Variants in RIMBP2 observed in about 807,000 individuals in gnomAD.
RIMBP2 encodes RIMS-binding protein 2.
In RIMBP2, 48 loss-of-function variants were observed where a neutral mutation model predicts 118.6. That is an observed-to-expected ratio of 0.40 (90% CI 0.32 to 0.51). RIMBP2 has a LOEUF of 0.51. Ranked by LOEUF, RIMBP2 falls within the 20% of genes least tolerant of loss-of-function variation. The pLI is 0.41. For missense variants in RIMBP2, 1,551 were observed against 1,768.3 expected (o/e 0.88, Z 2.20); for synonymous variants, 762 against 742.9 (o/e 1.03, Z -0.42).
chr12:130,434,896 G>T lies in RIMBP2; in HGVS notation c.2107-16C>A. On this transcript the variant is annotated splice_polypyrimidine_tract_variant and intron_variant, in intron 13 of 22. Transcript: ENST00000690449. This position sits in a 1 kb window ranked among gnomAD's most constrained non-coding sequence, Gnocchi z 5.7. The stretch of plus-strand genomic sequence containing the variant: ...TTTTCTCTAACTTGGAAAGAAAAAG[G>T]AGGCACACGGGTGAGGCAGGGCCAC... 1.3e-6 allele frequency: 2 copies of T among 1,597,074 alleles called. No individual in the cohort carries two copies. Among genetic ancestry groups the T allele is most frequent in the Non-Finnish European group, 1.7e-6 (2 of 1,171,334 alleles).
At chr12:130,561,084 C>G (rs1419147978) in intron 2 of RIMBP2, among the ~76,000 whole-genome samples, 13 of 152,204 alleles carry the variant, frequency 8.5e-5, no homozygotes, top group African/African-American at 3.1e-4. Flanking sequence ...GGTGATGCTT[C>G]TGCACGCCAA....
chr12:130,617,706 A>G lies in RIMBP2; in HGVS notation c.-217+10616T>C, dbSNP rs796252099. Among the ~76,000 whole-genome samples, 1 of 152,350 alleles carries G rather than the reference A, an allele frequency of 6.6e-6. No individual in the cohort carries two copies. The highest frequency in any genetic ancestry group is 2.4e-5 in the African/African-American group (1 of 41,582). On this transcript the variant is annotated intron_variant, in intron 2 of 22. Coordinates refer to ENST00000690449, the MANE Select transcript of RIMBP2 (RefSeq NM_001393629.1). This position sits in a 1 kb window ranked among gnomAD's most constrained non-coding sequence, Gnocchi z 4.6. ...TGACGCTAAGCAGCCCAGCACCTTC[A>G]GTCCTCGAAGGTCCGCAGATGCACC...
intron 1 of RIMBP2, among the ~76,000 whole-genome samples, chr12:130,713,137 C>CAG (rs10650704): frequency 0.98 from 140,939 of 144,526 alleles, 68,837 homozygotes; most frequent in Middle Eastern, 1. Context: ...AAGAAGGGGA[C>CAG]AGAGACTGAA....
chr12:130,558,274 T>G (rs190345005), intron 2 of RIMBP2, among the ~76,000 whole-genome samples: 19 of 152,138 alleles, frequency 1.2e-4, no homozygotes, highest in African/African-American at 4.3e-4. Context: ...AATAACACCC[T>G]AACAATTAGA....
rs117203195 is a variant in RIMBP2, at chr12:130,451,389, G to A, written c.359-49C>T. On this transcript the variant is annotated intron_variant, in intron 7 of 22. Transcript: ENST00000690449. Reference sequence around the variant, plus strand: ...TTGAAACAAATATGCGAATAACATCGTCAAAGCACGTTGGTCATGCGCCTA... The same window carrying A: ...TTGAAACAAATATGCGAATAACATCATCAAAGCACGTTGGTCATGCGCCTA... The A allele has an allele frequency of 1.2e-4, 184 of 1,558,976 alleles. No individual in the cohort carries two copies. In the East Asian group the frequency reaches 3.9e-3, roughly 33 times the overall value.
At position 130,641,008 on chromosome 12, in the gene RIMBP2, C is replaced by T. The variant is rs533025030; in HGVS notation, c.-351-12552G>A. 3.9e-5 allele frequency among the ~76,000 whole-genome samples: 6 copies of T among 152,324 alleles called. No individual in the cohort carries two copies. The East Asian group carries it at 9.7e-4, about 25-fold the overall frequency. ...TGGCCCTATTAAAGCTAACTAATGTCGGCGTCACAGCCGTCCTGGCACTCA... is the reference window on the plus strand; with the variant it reads ...TGGCCCTATTAAAGCTAACTAATGTTGGCGTCACAGCCGTCCTGGCACTCA... On this transcript the variant is annotated intron_variant, in intron 1 of 22. Coordinates refer to ENST00000690449, the MANE Select transcript of RIMBP2 (RefSeq NM_001393629.1).
At chr12:130,599,487 G>A (rs919400279) in intron 2 of RIMBP2, among the ~76,000 whole-genome samples, 5 of 152,142 alleles carry the variant, frequency 3.3e-5, no homozygotes, top group Non-Finnish European at 7.3e-5. Flanking sequence ...AAGACATATG[G>A]CAAATAAGCA....
chr12:130,436,316 CG>C (rs1297026924), intron 13 of RIMBP2, among the ~76,000 whole-genome samples: 2 of 152,118 alleles, frequency 1.3e-5, no homozygotes, highest in Non-Finnish European at 2.9e-5. Flanking sequence ...TCTATATGTC[CG>C]TATGCGTTTC....
chr12:130,647,995 A>ATGCACACACGTG (rs1377977267), intron 1 of RIMBP2, among the ~76,000 whole-genome samples: 3 of 128,426 alleles, frequency 2.3e-5, no homozygotes, highest in African/African-American at 5.0e-5. Flanking sequence ...TGGATAACAC[A>ATGCACACACGTG]TGCACACACG....
Position 130,450,302 on chromosome 12 carries a change from G to T in RIMBP2, c.505-26C>A, listed in dbSNP as rs1274428094. On this transcript the variant is annotated intron_variant, in intron 8 of 22. Coordinates refer to ENST00000690449, the MANE Select transcript of RIMBP2 (RefSeq NM_001393629.1). The surrounding 1 kb of genome is among the most constrained non-coding windows in gnomAD (Gnocchi z 4.8). ...CTGTGAAAAAGGCAATGGGTGTGTG[G>T]GTTATTGAAGCTGGAGGTGTCCCAC... The T allele has an allele frequency of 1.3e-6, 2 of 1,562,592 alleles. No homozygotes were observed. Among genetic ancestry groups the T allele is most frequent in the Admixed American group, 1.7e-5 (1 of 58,270 alleles).
chr12:130,537,319 C>T (rs565069936), intron 2 of RIMBP2, among the ~76,000 whole-genome samples: 16 of 152,362 alleles, frequency 1.1e-4, no homozygotes, highest in Admixed American at 3.3e-4. Context: ...CTGTAGCTGA[C>T]GCTCATAAGA....
At chr12:130,698,956 T>C (rs1186746152) in intron 1 of RIMBP2, among the ~76,000 whole-genome samples, 3 of 152,088 alleles carry the variant, frequency 2.0e-5, no homozygotes, top group Non-Finnish European at 4.4e-5. Flanking sequence ...AAGACATTTA[T>C]GCAGCCAAAA....
chr12:130,552,822 G>T (rs1224105224), intron 2 of RIMBP2, among the ~76,000 whole-genome samples: 1 of 152,114 alleles, frequency 6.6e-6, no homozygotes, highest in Non-Finnish European at 1.5e-5. Context: ...AGATACCCAG[G>T]GTCATTCCAT....
chr12:130,658,327 C>G (rs1267867405), intron 1 of RIMBP2: 5 of 152,264 alleles, frequency 3.3e-5, no homozygotes, highest in African/African-American at 1.2e-4. Context: ...CGAAACTCCA[C>G]ACAGTCAGGC....
At chr12:130,507,113 G>T (rs548871764) in intron 3 of RIMBP2, among the ~76,000 whole-genome samples, 27 of 152,178 alleles carry the variant, frequency 1.8e-4, no homozygotes, top group African/African-American at 5.8e-4. Flanking sequence ...GTTGCATTCT[G>T]GGGGAATGAG....
intron 1 of RIMBP2, among the ~76,000 whole-genome samples, chr12:130,662,571 A>G (rs910825119): frequency 6.6e-6 from 1 of 152,038 alleles, no homozygotes; most frequent in Non-Finnish European, 1.5e-5. Context: ...CAGGAGAATC[A>G]CTGGAACCCG....
chr12:130,698,164 C>A (rs1179735538), intron 1 of RIMBP2, among the ~76,000 whole-genome samples: 1 of 152,124 alleles, frequency 6.6e-6, no homozygotes, highest in East Asian at 1.9e-4. Context: ...GAGTAACAGA[C>A]CCCAGAGATA....
chr12:130,435,869 GTCC>G (rs1474176067), intron 13 of RIMBP2, among the ~76,000 whole-genome samples: 1 of 152,198 alleles, frequency 6.6e-6, no homozygotes, highest in East Asian at 1.9e-4. Flanking sequence ...CGTCCTTTCT[GTCC>G]TCCTAGACAC....
At chr12:130,694,887 C>T (rs1008448490) in intron 1 of RIMBP2, among the ~76,000 whole-genome samples, 2 of 152,194 alleles carry the variant, frequency 1.3e-5, no homozygotes, top group African/African-American at 4.8e-5. Context: ...GCACGTAGTA[C>T]GTGATCAGCA....
Sources: allele counts gnomAD v4.1 joint callset (sites outside exome capture counted in the v4.1 genomes callset), GRCh38; gene constraint gnomAD v4.1.1; non-coding constraint Gnocchi (gnomAD v3.1); transcripts MANE v1.5; gene names NCBI Gene and HGNC (gene_info 2026-07-23, HGNC 2026-07-21).